The following FAF1 variants were observed in gnomAD, a reference collection of about 807,000 sequenced individuals.
The protein encoded by FAF1 is Fas associated factor 1.
Under a neutral mutation model 92.5 loss-of-function variants are expected in FAF1, and 25 were observed. That is an observed-to-expected ratio of 0.27 (90% CI 0.20 to 0.38). The LOEUF (loss-of-function observed/expected upper bound fraction) is 0.38. FAF1 is among the 10% of genes least tolerant of loss of function. FAF1 has a pLI of 1.00. For missense variants in FAF1, 636 were observed against 793.3 expected (o/e 0.80, Z 2.38); for synonymous variants, 234 against 273.2 (o/e 0.86, Z 1.42).
chr1:50,788,824 A>C (rs1283565138), intron 3 of FAF1, among the ~76,000 whole-genome samples: 1 of 152,068 alleles, frequency 6.6e-6, no homozygotes, highest in Non-Finnish European at 1.5e-5. Context: ...TCAAAATCTA[A>C]AACAATTCTT....
At chr1:50,797,592 A>AG (rs1661811427) in intron 3 of FAF1, among the ~76,000 whole-genome samples, 2 of 152,074 alleles carry the variant, frequency 1.3e-5, no homozygotes, top group South Asian at 4.1e-4. Context: ...CCAGCTACTC[A>AG]GGGGGCTGAG....
At chr1:50,487,101 A>T (rs1646778149) in intron 17 of FAF1, among the ~76,000 whole-genome samples, 1 of 152,208 alleles carries the variant, frequency 6.6e-6, no homozygotes. Context: ...CCATTGTCAC[A>T]GTAGCTATTA....
At chr1:50,629,605 T>C (rs1569623440) in intron 8 of FAF1, among the ~76,000 whole-genome samples, 5 of 152,250 alleles carry the variant, frequency 3.3e-5, no homozygotes, top group Admixed American at 2.0e-4. Context: ...TAAAAAGAGG[T>C]AGCCTTTAGT....
chr1:50,637,576 T>C (rs938070149), intron 8 of FAF1, among the ~76,000 whole-genome samples: 11 of 152,062 alleles, frequency 7.2e-5, no homozygotes, highest in East Asian at 3.9e-4. Context: ...GAGATTTTGA[T>C]TGGCATTGCA....
chr1:50,752,643 T>C (rs1659912138), intron 4 of FAF1, among the ~76,000 whole-genome samples: 1 of 152,172 alleles, frequency 6.6e-6, no homozygotes, highest in Admixed American at 6.6e-5. Flanking sequence ...CATATTATTA[T>C]GCTTCTGTAC....
intron 6 of FAF1, among the ~76,000 whole-genome samples, chr1:50,722,183 C>G (rs1317374470): frequency 6.6e-6 from 1 of 152,168 alleles, no homozygotes. Flanking sequence ...AAACAACTTA[C>G]TGAGCATCTA....
At position 50,583,688 on chromosome 1, in the gene FAF1, T is replaced by A; in HGVS notation, c.995A>T (p.Asp332Val). The A allele has an allele frequency of 6.3e-7, 1 of 1,576,422 alleles. No individual in the cohort carries two copies. The highest frequency in any genetic ancestry group is 8.6e-7 in the Non-Finnish European group (1 of 1,158,234). The change falls in exon 11 of 19, where the codon GAT (aspartate) becomes GTT (valine). Residue 332 changes from aspartate to valine, a missense_variant. Asp to Val is a radical substitution (Grantham distance 152). Coordinates refer to ENST00000396153, the MANE Select transcript of FAF1 (RefSeq NM_007051.3). This position sits in a 1 kb window ranked among gnomAD's most constrained non-coding sequence, Gnocchi z 4.2. The part of the protein sequence containing the change: ...MMPENAENEG[D>V]ALLQFTAEFS... ...CTCTGCTGTAAATTGTAATAAGGCATCTCCTTCATTTTCTGCGTTTTCTGG... is the reference window on the plus strand; with the variant it reads ...CTCTGCTGTAAATTGTAATAAGGCAACTCCTTCATTTTCTGCGTTTTCTGG...
chr1:50,519,435 G>A (rs1647389949), intron 15 of FAF1, among the ~76,000 whole-genome samples: 1 of 145,982 alleles, frequency 6.9e-6, no homozygotes, highest in South Asian at 2.2e-4. Flanking sequence ...AAGGAAGGAA[G>A]GAAGGAGGAG....
At chr1:50,683,834 A>C (rs1404606074) in intron 7 of FAF1, among the ~76,000 whole-genome samples, 1 of 151,832 alleles carries the variant, frequency 6.6e-6, no homozygotes, top group African/African-American at 2.4e-5. Context: ...CGGGAGGCTG[A>C]GGCAGGAAAA....
At chr1:50,501,975 G>A (rs1473212703) in intron 15 of FAF1, among the ~76,000 whole-genome samples, 2 of 152,092 alleles carry the variant, frequency 1.3e-5, no homozygotes, top group East Asian at 1.9e-4. Context: ...CCATCAACAG[G>A]TGAACATTCA....
Position 50,567,280 on chromosome 1 carries a change from G to A in FAF1, c.1114-49C>T, listed in dbSNP as rs201351748. ...TCAATTAAAATATCCACTAATGTAAGATTTCTTAAATTTTAGAGAGGCATA... is the reference window on the plus strand; with the variant it reads ...TCAATTAAAATATCCACTAATGTAAAATTTCTTAAATTTTAGAGAGGCATA... On this transcript the variant is annotated intron_variant, in intron 12 of 18. Coordinates refer to ENST00000396153, the MANE Select transcript of FAF1 (RefSeq NM_007051.3). 2.0e-4 allele frequency: 284 copies of A among 1,447,728 alleles called. No individual in the cohort carries two copies. The African/African-American group carries it at 3.7e-3, about 19-fold the overall frequency. The allele number at this position is 1,447,728 out of a possible 1,614,324, so 89.7% of individuals were successfully genotyped here.
In FAF1 at chr1:50,672,235, C is replaced by T. The variant is rs562932254; in HGVS notation, c.658-16707G>A. On this transcript the variant is annotated intron_variant, in intron 7 of 18. Transcript: ENST00000396153. Reference sequence around the variant, plus strand: ...AATTTTTTTGTATTTTTAGTAGAGACGGGGTTTATCTTGGCCAGGCTGGTC... The same window carrying T: ...AATTTTTTTGTATTTTTAGTAGAGATGGGGTTTATCTTGGCCAGGCTGGTC... Among the ~76,000 whole-genome samples, 12 of 151,850 alleles carry T rather than the reference C, an allele frequency of 7.9e-5. No homozygotes were observed. In the South Asian group the frequency reaches 2.1e-3, roughly 26 times the overall value.
chr1:50,686,850 A>T (rs1656684966), intron 7 of FAF1, among the ~76,000 whole-genome samples: 1 of 152,004 alleles, frequency 6.6e-6, no homozygotes, highest in Admixed American at 6.6e-5. Flanking sequence ...TTTTTTTTAC[A>T]CAGCACCACA....
intron 1 of FAF1, among the ~76,000 whole-genome samples, chr1:50,878,526 A>G (rs1644587968): frequency 6.6e-6 from 1 of 152,216 alleles, no homozygotes; most frequent in Non-Finnish European, 1.5e-5. Context: ...ATATTCAAGT[A>G]ACAGAATTCT....
At chr1:50,500,408 G>A (rs77036920) in intron 15 of FAF1, among the ~76,000 whole-genome samples, 2,100 of 152,196 alleles carry the variant, frequency 0.014, 20 homozygotes, top group Middle Eastern at 0.041. Flanking sequence ...CAATGTAGTG[G>A]AAAAAGGAAA....
chr1:50,624,964 T>C (rs1296250451), intron 8 of FAF1, among the ~76,000 whole-genome samples: 1 of 149,370 alleles, frequency 6.7e-6, no homozygotes, highest in Admixed American at 6.8e-5. Context: ...TGCAATGGCA[T>C]GATCTCGGCT....
At chr1:50,512,067 C>T (rs928681570) in intron 15 of FAF1, among the ~76,000 whole-genome samples, 6 of 152,082 alleles carry the variant, frequency 3.9e-5, no homozygotes, top group African/African-American at 1.4e-4. Context: ...GTTCATATCC[C>T]TCACCTACTT....
At chr1:50,507,888 C>T (rs780626561) in intron 15 of FAF1, among the ~76,000 whole-genome samples, 2 of 152,026 alleles carry the variant, frequency 1.3e-5, no homozygotes, top group Admixed American at 6.6e-5. Context: ...TCTGATAATC[C>T]TGCTTACAAA....
chr1:50,759,761 C>G (rs1318793061), intron 4 of FAF1, among the ~76,000 whole-genome samples: 1 of 152,180 alleles, frequency 6.6e-6, no homozygotes, highest in Non-Finnish European at 1.5e-5. Flanking sequence ...AGTTTACAGT[C>G]ACACCAACAG....
Sources: gnomAD v4.1 joint callset for allele counts (sites outside exome capture counted in the v4.1 genomes callset) on GRCh38, gnomAD v4.1.1 for gene constraint, Gnocchi (gnomAD v3.1) non-coding constraint, MANE v1.5 for transcripts, NCBI Gene and HGNC (gene_info 2026-07-23, HGNC 2026-07-21) for gene names.